The following SMOC1 variants were observed in gnomAD, a reference collection of about 807,000 sequenced individuals.
SMOC1 encodes SPARC related modular calcium binding 1.
A neutral mutation model predicts 56.3 loss-of-function variants in SMOC1; 22 were observed. The observed-to-expected ratio is 0.39, with a 90% CI of 0.28 to 0.56. The LOEUF (loss-of-function observed/expected upper bound fraction) is 0.56, where lower values mean the gene tolerates loss of function less well. Among genes scored for constraint, SMOC1 ranks in the 20% least tolerant of loss-of-function variants. The pLI is 0.61. For synonymous variants in SMOC1, 193 were observed against 215.0 expected, an observed-to-expected ratio of 0.90 and a Z score of 0.89; for missense variants, 509 against 565.4, an observed-to-expected ratio of 0.90 and a Z score of 1.01.
At chr14:69,966,320 G>A (rs1003423450) in intron 3 of SMOC1, among the ~76,000 whole-genome samples, 3 of 152,180 alleles carry the variant, frequency 2.0e-5, no homozygotes, top group African/African-American at 7.2e-5. Context: ...TGGGTCCCCG[G>A]AGCCCTAACA....
intron 3 of SMOC1, among the ~76,000 whole-genome samples, chr14:69,963,292 T>C (rs925808624): frequency 6.6e-6 from 1 of 152,080 alleles, no homozygotes; most frequent in Non-Finnish European, 1.5e-5. Context: ...GGAGACAATG[T>C]CAGTACCCTT....
At chr14:69,919,321 C>G (rs377274198) in intron 1 of SMOC1, among the ~76,000 whole-genome samples, 49 of 152,300 alleles carry the variant, frequency 3.2e-4, no homozygotes, top group Middle Eastern at 3.4e-3. Flanking sequence ...CAGCCCCTTT[C>G]CCTCGATTTA....
Position 70,011,466 on chromosome 14 carries a change from C to CCCAA in SMOC1, c.858-19_858-18insCCAA. The CCCAA allele has an allele frequency of 3.8e-6, 6 of 1,561,692 alleles. No homozygotes were observed. Among genetic ancestry groups the CCCAA allele is most frequent in the Non-Finnish European group, 4.4e-6 (5 of 1,133,428 alleles). ...GTTGCCAGCCCCTCCCAACCCCCCC[C>CCCAA]ATATCTCTCTTTTCCCAGCTACGTG... On this transcript the variant is annotated intron_variant, in intron 8 of 11. Coordinates refer to ENST00000361956, the MANE Select transcript of SMOC1 (RefSeq NM_001034852.3).
intron 10 of SMOC1, among the ~76,000 whole-genome samples, chr14:70,016,522 AAGAG>A (rs1268904604): frequency 6.6e-6 from 1 of 152,184 alleles, no homozygotes; most frequent in Non-Finnish European, 1.5e-5. Flanking sequence ...AGGGAGAAGA[AAGAG>A]AGAAACTGCT....
At chr14:70,006,578 G>A (rs1046285172) in intron 7 of SMOC1, among the ~76,000 whole-genome samples, 7 of 152,208 alleles carry the variant, frequency 4.6e-5, no homozygotes, top group African/African-American at 1.7e-4. Flanking sequence ...AGGTCTAGAT[G>A]TTTCAGTTAT....
chr14:69,988,110 G>A (rs1884432842), intron 5 of SMOC1, among the ~76,000 whole-genome samples: 1 of 152,206 alleles, frequency 6.6e-6, no homozygotes, highest in Admixed American at 6.5e-5. Flanking sequence ...GAGAATAGAT[G>A]AGGAAAGCTA....
At chr14:69,886,164 T>A in intron 1 of SMOC1, 1 of 1,146,342 alleles carries the variant, frequency 8.7e-7, no homozygotes, top group Non-Finnish European at 1.3e-6. Context: ...AGGAGAGAGC[T>A]CCTTTGAACA....
At chr14:69,949,169 G>A (rs984153019) in intron 1 of SMOC1, among the ~76,000 whole-genome samples, 2 of 152,190 alleles carry the variant, frequency 1.3e-5, no homozygotes, top group African/African-American at 4.8e-5. Flanking sequence ...GGCAGGCTCT[G>A]GGCCACCTCT....
intron 1 of SMOC1, among the ~76,000 whole-genome samples, chr14:69,906,956 G>C (rs1043331570): frequency 6.6e-6 from 1 of 151,944 alleles, no homozygotes; most frequent in South Asian, 2.1e-4. Context: ...AGATGTTAGA[G>C]AGAGATTTGA....
intron 7 of SMOC1, among the ~76,000 whole-genome samples, chr14:70,003,762 C>A (rs1271752895): frequency 6.6e-6 from 1 of 152,156 alleles, no homozygotes; most frequent in Non-Finnish European, 1.5e-5. Context: ...TTGTTCCAGG[C>A]AGGGCCTCAG....
At chr14:69,884,303 T>G (rs987758631) in intron 1 of SMOC1, among the ~76,000 whole-genome samples, 1 of 147,230 alleles carries the variant, frequency 6.8e-6, no homozygotes, top group Non-Finnish European at 1.5e-5. Flanking sequence ...TTGTTTTTTG[T>G]TTTTTTTGCT....
At chr14:69,952,555 C>T (rs2139439162) in intron 2 of SMOC1, among the ~76,000 whole-genome samples, 1 of 152,340 alleles carries the variant, frequency 6.6e-6, no homozygotes, top group Non-Finnish European at 1.5e-5. Flanking sequence ...CAGCGCTTTC[C>T]TTTTTCTTTT....
chr14:70,011,225 G>A (rs12885683), intron 8 of SMOC1, among the ~76,000 whole-genome samples: 39,670 of 151,968 alleles, frequency 0.26, 6,282 homozygotes, highest in East Asian at 0.41. Flanking sequence ...AGCTTCCATG[G>A]ATCAAAAAAG....
intron 1 of SMOC1, among the ~76,000 whole-genome samples, chr14:69,906,823 T>C (rs948669937): frequency 1.3e-5 from 2 of 152,112 alleles, no homozygotes; most frequent in African/African-American, 4.8e-5. Flanking sequence ...AGGCCAAAGA[T>C]TGCCATGAAA....
intron 5 of SMOC1, among the ~76,000 whole-genome samples, chr14:69,986,287 G>A (rs1284245266): frequency 6.6e-6 from 1 of 152,196 alleles, no homozygotes; most frequent in Non-Finnish European, 1.5e-5. Flanking sequence ...AGTAAAAGTG[G>A]CACAAGGGAG....
intron 10 of SMOC1, 46 bp from the exon 11 acceptor site, chr14:70,023,157 T>C: frequency 6.2e-7 from 1 of 1,613,298 alleles, no homozygotes; most frequent in Non-Finnish European, 8.5e-7. Context: ...TCCTGCAAGA[T>C]CCTGATTGGT....
chr14:70,005,959 G>A (rs1375448958), intron 7 of SMOC1, among the ~76,000 whole-genome samples: 2 of 152,304 alleles, frequency 1.3e-5, no homozygotes, highest in South Asian at 4.1e-4. Flanking sequence ...TTTTAGAATA[G>A]TGTGTGTTCA....
intron 1 of SMOC1, chr14:69,885,567 G>C: frequency 6.3e-7 from 1 of 1,593,406 alleles, no homozygotes; most frequent in East Asian, 2.2e-5. Flanking sequence ...TGGACTAGAC[G>C]TCCCAGTCTT....
rs114120585 is a variant in SMOC1, at chr14:69,921,651, C to T, written c.100-30487C>T. On this transcript the variant is annotated intron_variant, in intron 1 of 11. Transcript: ENST00000361956. Reference sequence around the variant, plus strand: ...GGGGAGGGTGAGGGCTGACATAAACCTTAGGAGAATCTTATGAGTCTTCCA... The same window carrying T: ...GGGGAGGGTGAGGGCTGACATAAACTTTAGGAGAATCTTATGAGTCTTCCA... 4.6e-3 allele frequency among the ~76,000 whole-genome samples: 696 copies of T among 152,270 alleles called. 8 individuals carry two copies. Among genetic ancestry groups the T allele is most frequent in the African/African-American group, 0.016 (654 of 41,542 alleles).
Sources: gnomAD v4.1 joint callset for allele counts (sites outside exome capture counted in the v4.1 genomes callset) on GRCh38, gnomAD v4.1.1 for gene constraint, MANE v1.5 for transcripts, NCBI Gene and HGNC (gene_info 2026-07-23, HGNC 2026-07-21) for gene names.